The following C16orf95 variants were observed in gnomAD, a reference collection of about 807,000 sequenced individuals.
C16orf95 encodes chromosome 16 open reading frame 95, also known as uncharacterized protein C16orf95.
Under a neutral mutation model 32.1 loss-of-function variants are expected in C16orf95, and 41 were observed. That is an observed-to-expected ratio of 1.28 (90% CI 1.00 to 1.66). C16orf95 has a LOEUF of 1.66. Ranked by LOEUF, C16orf95 falls within the 40% of genes most tolerant of loss-of-function variation. The pLI is 0.00. For missense variants in C16orf95, 399 were observed against 325.9 expected (o/e 1.22, Z -1.73); for synonymous variants, 147 against 128.9 (o/e 1.14, Z -0.95).
chr16:87,315,519 C>G (rs573801972), intron 2 of C16orf95, among the ~76,000 whole-genome samples: 1 of 152,220 alleles, frequency 6.6e-6, no homozygotes, highest in Non-Finnish European at 1.5e-5. Context: ...AGGAGAGGTG[C>G]TGCCATCACC....
At chr16:87,313,266 C>T (rs1024018326) in intron 3 of C16orf95, among the ~76,000 whole-genome samples, 14 of 151,066 alleles carry the variant, frequency 9.3e-5, no homozygotes, top group Non-Finnish European at 2.1e-4. Context: ...ACTTGATTTC[C>T]AGGCATTATA....
At chr16:87,316,310 C>T (rs1471732112) in intron 1 of C16orf95, among the ~76,000 whole-genome samples, 1 of 152,166 alleles carries the variant, frequency 6.6e-6, no homozygotes, top group East Asian at 1.9e-4. Context: ...GATGACAAAG[C>T]ACTTGGGGTT....
intron 3 of C16orf95, among the ~76,000 whole-genome samples, chr16:87,312,462 G>A (rs187221115): frequency 1.3e-3 from 192 of 151,648 alleles, no homozygotes; most frequent in African/African-American, 4.0e-3. Flanking sequence ...TCAGCTACCC[G>A]GGAGACTGAG....
chr16:87,316,164 T>C (rs911154799), intron 1 of C16orf95, among the ~76,000 whole-genome samples: 6 of 152,210 alleles, frequency 3.9e-5, no homozygotes, highest in South Asian at 4.1e-4. Context: ...TTCCAAGACA[T>C]GTAGCTGCCA....
intron 5 of C16orf95, among the ~76,000 whole-genome samples, chr16:87,307,905 C>G (rs2150648824): frequency 6.6e-6 from 1 of 152,358 alleles, no homozygotes; most frequent in Non-Finnish European, 1.5e-5. Flanking sequence ...AATTTAACCA[C>G]ATCAATGCAG....
chr16:87,316,474 G>A (rs917702338), intron 1 of C16orf95, among the ~76,000 whole-genome samples: 2 of 152,184 alleles, frequency 1.3e-5, no homozygotes, highest in Admixed American at 6.5e-5. Context: ...CGATATAAGT[G>A]TTTTTGGGTT....
chr16:87,314,879 A>G (rs2150655984), intron 3 of C16orf95, 92 bp downstream of exon 3: 1 of 1,056,872 alleles, frequency 9.5e-7, no homozygotes, highest in Non-Finnish European at 1.3e-6. Context: ...TAAAATATCC[A>G]TTCATATAAT....
intron 5 of C16orf95, among the ~76,000 whole-genome samples, chr16:87,309,028 C>G (rs1332193842): frequency 6.6e-6 from 1 of 152,222 alleles, no homozygotes. Flanking sequence ...CCTTCAACAT[C>G]GCCTCATCCC....
At chr16:87,306,694 A>T (rs977442615) in intron 5 of C16orf95, among the ~76,000 whole-genome samples, 1 of 152,210 alleles carries the variant, frequency 6.6e-6, no homozygotes, top group Non-Finnish European at 1.5e-5. Context: ...ATCACTCCGT[A>T]CTTGCGGCCA....
intron 3 of C16orf95, among the ~76,000 whole-genome samples, chr16:87,311,803 C>T (rs775311474): frequency 6.6e-6 from 1 of 152,246 alleles, no homozygotes; most frequent in Non-Finnish European, 1.5e-5. Flanking sequence ...GCAAAGTGTC[C>T]TATGCACAGA....
chr16:87,316,447 T>C (rs1007589420), intron 1 of C16orf95, among the ~76,000 whole-genome samples: 6 of 152,202 alleles, frequency 3.9e-5, no homozygotes, highest in African/African-American at 1.4e-4. Context: ...GTGCTTTGTA[T>C]GTGGAAACCG....
intron 4 of C16orf95, 90 bp downstream of exon 4, chr16:87,311,060 A>C: frequency 2.8e-5 from 33 of 1,189,704 alleles, no homozygotes; most frequent in Non-Finnish European, 3.4e-5. Flanking sequence ...GAGCCCAGGT[A>C]CCCCTCTTCC....
Position 87,302,939 on chromosome 16 carries a change from G to C in C16orf95, c.*118C>G, listed in dbSNP as rs1240864649. On this transcript the variant is annotated 3_prime_UTR_variant, in exon 7 of 7. Transcript: ENST00000567970. The stretch of plus-strand genomic sequence containing the variant: ...TCATTTGGGTTGAATCCTGGGTGTG[G>C]ATTCTGTTCTGAGAAGACAGCGACT... 1 of 1,062,552 alleles carries C rather than the reference G, an allele frequency of 9.4e-7. No homozygotes were observed. Among genetic ancestry groups the C allele is most frequent in the Non-Finnish European group, 1.4e-6 (1 of 716,214 alleles). The allele number at this position is 1,062,552 out of a possible 1,614,324, so 65.8% of individuals were successfully genotyped here.
At chr16:87,312,278 C>T (rs943038799) in intron 3 of C16orf95, among the ~76,000 whole-genome samples, 6 of 152,206 alleles carry the variant, frequency 3.9e-5, no homozygotes, top group South Asian at 4.1e-4. Flanking sequence ...CTATTAGACA[C>T]GGGAGGAAGG....
rs3748393 is a variant in C16orf95 at position 87,317,167 on chromosome 16, C to A, written c.76G>T (p.Ala26Ser). Residue 26 changes from alanine to serine, a missense_variant, in exon 1 of 7, where the codon GCT becomes TCT. Transcript: ENST00000567970. ...HHEATGAASG[A>S]AAGGPGAGCV... The stretch of plus-strand genomic sequence containing the variant: ...CCCGCGCCCGGCCCCCCGGCAGCAG[C>A]GCCTGAGGCTGCTCCAGTGGCCTCA... The A allele has an allele frequency of 0.36, 545,860 of 1,530,960 alleles. 102,185 individuals are homozygous for A. Among genetic ancestry groups the A allele is most frequent in the East Asian group, 0.62 (24,971 of 40,380 alleles). 94.8% of individuals were successfully genotyped at this position (1,530,960 alleles called of 1,614,324 possible).
chr16:87,315,142 T>G, intron 2 of C16orf95, 46 bp from the exon 3 acceptor site: 1 of 1,528,222 alleles, frequency 6.5e-7, no homozygotes, highest in South Asian at 1.2e-5. Context: ...ATGCTGCATT[T>G]GCAGGGAGAC....
At chr16:87,311,121 T>C (rs1341711053) in intron 4 of C16orf95, 29 bp downstream of exon 4, 4 of 1,477,410 alleles carry the variant, frequency 2.7e-6, no homozygotes, top group African/African-American at 1.4e-5. Context: ...ACTCTTCAGT[T>C]CTCACTGCAG....
chr16:87,312,662 C>T (rs1911338335), intron 3 of C16orf95, among the ~76,000 whole-genome samples: 1 of 151,868 alleles, frequency 6.6e-6, no homozygotes, highest in Non-Finnish European at 1.5e-5. Context: ...TCTCACTGCT[C>T]TCTTCAACAC....
chr16:87,306,368 C>T (rs1014624109), intron 5 of C16orf95, among the ~76,000 whole-genome samples: 35 of 152,254 alleles, frequency 2.3e-4, no homozygotes, highest in Middle Eastern at 3.4e-3. Context: ...GGAATTCCAA[C>T]GTTTCCATTT....
Sources: gnomAD v4.1 joint callset for allele counts (sites outside exome capture counted in the v4.1 genomes callset) on GRCh38, gnomAD v4.1.1 for gene constraint, MANE v1.5 for transcripts, NCBI Gene and HGNC (gene_info 2026-07-23, HGNC 2026-07-21) for gene names.